The following DPYD variants were observed in gnomAD, a reference collection of about 807,000 sequenced individuals.
DPYD encodes dihydropyrimidine dehydrogenase, also known as dihydropyrimidine dehydrogenase [NADP(+)].
A neutral mutation model predicts 116.2 loss-of-function variants in DPYD; 109 were observed. The observed-to-expected ratio is 0.94, with a 90% CI of 0.80 to 1.10. The LOEUF is 1.10. DPYD is among the 50% of genes least tolerant of loss of function. DPYD has a pLI of 0.00. For missense variants in DPYD, 1,302 were observed against 1,254.5 expected, an observed-to-expected ratio of 1.04 and a Z score of -0.57; for synonymous variants, 440 against 432.0, an observed-to-expected ratio of 1.02 and a Z score of -0.23.
chr1:97,532,550 C>G (rs1649704557), intron 12 of DPYD, among the ~76,000 whole-genome samples: 1 of 152,060 alleles, frequency 6.6e-6, no homozygotes, highest in African/African-American at 2.4e-5. Flanking sequence ...CTGACTCAAT[C>G]TCCTTATTTG....
chr1:97,845,760 AC>A (rs1310466752), intron 2 of DPYD, among the ~76,000 whole-genome samples: 6 of 152,312 alleles, frequency 3.9e-5, no homozygotes, highest in African/African-American at 1.4e-4. Context: ...CCTAGGGGTT[AC>A]CTGATCCAGG....
intron 14 of DPYD, among the ~76,000 whole-genome samples, chr1:97,410,122 C>G (rs1278420690): frequency 2.6e-5 from 4 of 151,566 alleles, no homozygotes; most frequent in African/African-American, 9.7e-5. Flanking sequence ...ACGACCTCCT[C>G]CCAGCTCTAT....
intron 1 of DPYD, among the ~76,000 whole-genome samples, chr1:97,906,342 C>T (rs1673619545): frequency 6.6e-6 from 1 of 152,002 alleles, no homozygotes; most frequent in Admixed American, 6.6e-5. Context: ...AACTCTTACA[C>T]CATAATTCTG....
At chr1:97,396,999 T>A (rs1318282957) in intron 14 of DPYD, among the ~76,000 whole-genome samples, 2 of 152,110 alleles carry the variant, frequency 1.3e-5, no homozygotes, top group Non-Finnish European at 2.9e-5. Flanking sequence ...GTCCCACTTC[T>A]CTTACCTCAC....
intron 15 of DPYD, among the ~76,000 whole-genome samples, chr1:97,380,466 T>C (rs1671890710): frequency 6.6e-6 from 1 of 152,206 alleles, no homozygotes; most frequent in African/African-American, 2.4e-5. Flanking sequence ...GAACATGAAA[T>C]GCATGTGCAT....
intron 8 of DPYD, among the ~76,000 whole-genome samples, chr1:97,641,692 G>T (rs1657915102): frequency 6.6e-6 from 1 of 152,146 alleles, no homozygotes; most frequent in South Asian, 2.1e-4. Flanking sequence ...ACCAGTAGAA[G>T]ACAAGGATGC....
intron 13 of DPYD, among the ~76,000 whole-genome samples, chr1:97,499,119 A>G (rs1473015167): frequency 1.3e-5 from 2 of 151,608 alleles, no homozygotes; most frequent in African/African-American, 4.8e-5. Context: ...CCTCTATCTG[A>G]TTTTTCTCCC....
chr1:97,776,425 G>A (rs890524800), intron 3 of DPYD, among the ~76,000 whole-genome samples: 1 of 152,126 alleles, frequency 6.6e-6, no homozygotes, highest in African/African-American at 2.4e-5. Context: ...GTATGCTCCA[G>A]GATGTTAGAA....
intron 16 of DPYD, among the ~76,000 whole-genome samples, chr1:97,339,312 A>G (rs1003110657): frequency 6.6e-6 from 1 of 152,140 alleles, no homozygotes; most frequent in Non-Finnish European, 1.5e-5. Flanking sequence ...TTTTGACTGA[A>G]TGGGCTCACT....
At chr1:97,673,058 T>C (rs555472494) in intron 8 of DPYD, among the ~76,000 whole-genome samples, 16 of 152,260 alleles carry the variant, frequency 1.1e-4, no homozygotes, top group Admixed American at 9.2e-4. Flanking sequence ...GACAGAGTCA[T>C]GTTGGCTTTG....
intron 13 of DPYD, among the ~76,000 whole-genome samples, chr1:97,463,306 G>A (rs966953605): frequency 1.3e-5 from 2 of 152,162 alleles, no homozygotes; most frequent in African/African-American, 4.8e-5. Context: ...ATAAAGAGGA[G>A]TTTCCCTGCA....
chr1:97,481,862 C>T (rs1322636092), intron 13 of DPYD, among the ~76,000 whole-genome samples: 1 of 152,076 alleles, frequency 6.6e-6, no homozygotes, highest in African/African-American at 2.4e-5. Context: ...TCTCTACTCT[C>T]TCTCTCTCTC....
chr1:97,649,948 C>T (rs1658488448), intron 8 of DPYD, among the ~76,000 whole-genome samples: 1 of 152,000 alleles, frequency 6.6e-6, no homozygotes, highest in Non-Finnish European at 1.5e-5. Context: ...TAAAAGGTTT[C>T]CCAACTCTAC....
At chr1:97,503,724 G>A (rs554082031) in intron 13 of DPYD, among the ~76,000 whole-genome samples, 6 of 151,692 alleles carry the variant, frequency 4.0e-5, no homozygotes, top group African/African-American at 7.3e-5. Flanking sequence ...TCTTGGCAAC[G>A]GTTTCTTGGA....
intron 16 of DPYD, 116 bp from the exon 17 acceptor site, chr1:97,306,413 T>C: frequency 1.5e-6 from 2 of 1,334,098 alleles, no homozygotes; most frequent in East Asian, 2.3e-5. Context: ...GACAATGAGC[T>C]ACATGATATA....
intron 5 of DPYD, among the ~76,000 whole-genome samples, chr1:97,718,848 T>C (rs1231394914): frequency 6.6e-6 from 1 of 151,762 alleles, no homozygotes; most frequent in South Asian, 2.1e-4. Flanking sequence ...AAAATTCCAA[T>C]AAATACACAA....
chr1:97,479,553 A>C (rs1310628610), intron 13 of DPYD, among the ~76,000 whole-genome samples: 1 of 152,214 alleles, frequency 6.6e-6, no homozygotes, highest in South Asian at 2.1e-4. Context: ...TAACAGACAT[A>C]ATAGTACTAA....
intron 3 of DPYD, among the ~76,000 whole-genome samples, chr1:97,803,210 A>ACTG (rs1667927557): frequency 2.0e-5 from 3 of 151,844 alleles, no homozygotes; most frequent in Non-Finnish European, 4.4e-5. Context: ...AGTCAGGAGG[A>ACTG]ATGCCACGAC....
intron 20 of DPYD, among the ~76,000 whole-genome samples, chr1:97,112,067 T>C (rs901619284): frequency 1.3e-5 from 2 of 152,152 alleles, no homozygotes; most frequent in Admixed American, 1.3e-4. Flanking sequence ...ATCAACATTA[T>C]TTTTATTATA....
Sources: gnomAD v4.1 joint callset for allele counts (sites outside exome capture counted in the v4.1 genomes callset) on GRCh38, gnomAD v4.1.1 for gene constraint, MANE v1.5 for transcripts, NCBI Gene and HGNC (gene_info 2026-07-23, HGNC 2026-07-21) for gene names.